The following LRAT variants were observed in gnomAD, a reference collection of about 807,000 sequenced individuals.
The protein encoded by LRAT is lecithin retinol acyltransferase (phosphatidylcholine--retinol O-acyltransferase).
LRAT carries 11 observed loss-of-function variants against 14.2 expected under a neutral mutation model. That is an observed-to-expected ratio of 0.78 (90% CI 0.49 to 1.29). LRAT has a LOEUF of 1.29. Among genes scored for constraint, LRAT ranks in the 50% most tolerant of loss-of-function variants. LRAT has a pLI of 0.00. For missense variants in LRAT, 274 were observed against 292.4 expected, an observed-to-expected ratio of 0.94 and a Z score of 0.46; for synonymous variants, 144 against 124.8, an observed-to-expected ratio of 1.15 and a Z score of -1.03.
At chr4:154,746,161 T>TA (rs1732881890) in intron 2 of LRAT, among the ~76,000 whole-genome samples, 1 of 152,224 alleles carries the variant, frequency 6.6e-6, no homozygotes, top group Admixed American at 6.5e-5. Context: ...TTGCACTTGT[T>TA]AAAGAAGTCA....
At chr4:154,743,125 A>ACCCCCCCCCC (rs59844353), upstream of LRAT, among the ~76,000 whole-genome samples, 11 of 17,828 alleles carry the variant, frequency 6.2e-4, no homozygotes, top group Admixed American at 2.1e-3. Context: ...GACCCCCCCA[A>ACCCCCCCCCC]CCCCCCCCCC....
chr4:154,745,634 TTTATATTTAATCCA>T (rs1382506354), intron 2 of LRAT: 2 of 145,136 alleles, frequency 1.4e-5, no homozygotes, highest in African/African-American at 5.8e-5. Flanking sequence ...AGGTCCAGAG[TTTATATTTAATCCA>T]TAACACTATA....
chr4:154,743,677 C>T (rs1350592257), upstream of LRAT, among the ~76,000 whole-genome samples: 1 of 152,162 alleles, frequency 6.6e-6, no homozygotes, highest in Non-Finnish European at 1.5e-5. Context: ...CCGAAGACTA[C>T]CGCGAAGTGC....
At position 154,749,509 on chromosome 4, in the gene LRAT, C is replaced by A; in HGVS notation, c.*373C>A. The A allele has an allele frequency of 1.2e-5, 2 of 164,542 alleles. No individual in the cohort carries two copies. The highest frequency in any genetic ancestry group is 1.8e-4 in the South Asian group (1 of 5,628). The allele number at this position is 164,542 out of a possible 1,614,324, so 10.2% of individuals were successfully genotyped here. On this transcript the variant is annotated 3_prime_UTR_variant, in exon 3 of 3. Transcript: ENST00000336356. Reference sequence around the variant, plus strand: ...AAGATTGGAAGACTTATATTGAGACCAGTAACTTTACTGTAAATTTACTTT... The same window carrying A: ...AAGATTGGAAGACTTATATTGAGACAAGTAACTTTACTGTAAATTTACTTT...
Position 154,749,237 on chromosome 4 carries a change from A to T in LRAT, c.*101A>T. On this transcript the variant is annotated 3_prime_UTR_variant, in exon 3 of 3. Coordinates refer to ENST00000336356, the MANE Select transcript of LRAT (RefSeq NM_004744.5). Reference sequence around the variant, plus strand: ...CATTATTGAGAAAAATGTGACCCGTAACACTGTGTTCTGGATAAAAATGTG... The same window carrying T: ...CATTATTGAGAAAAATGTGACCCGTTACACTGTGTTCTGGATAAAAATGTG... 1 of 1,279,626 alleles carries T rather than the reference A, an allele frequency of 7.8e-7. No homozygotes were observed. Among genetic ancestry groups the T allele is most frequent in the Non-Finnish European group, 1.1e-6 (1 of 881,610 alleles). 79.3% of individuals were successfully genotyped at this position (1,279,626 alleles called of 1,614,324 possible).
At chr4:154,745,991 TTA>T (rs1732878652) in intron 2 of LRAT, among the ~76,000 whole-genome samples, 1 of 152,204 alleles carries the variant, frequency 6.6e-6, no homozygotes, top group African/African-American at 2.4e-5. Flanking sequence ...AAGGTAATTT[TTA>T]TGAGTATTTT....
chr4:154,748,437 T>C, intron 2 of LRAT: 1 of 974,092 alleles, frequency 1.0e-6, no homozygotes, highest in Non-Finnish European at 1.2e-6. Context: ...ATGTGTCACA[T>C]AATTGATCCT....
chr4:154,743,124 A>ACCCC (rs1732798949), upstream of LRAT, among the ~76,000 whole-genome samples: 2 of 8,828 alleles, frequency 2.3e-4, no homozygotes, highest in Non-Finnish European at 4.3e-4. Context: ...CGACCCCCCC[A>ACCCC]ACCCCCCCCC....
chr4:154,744,590 G>T lies in LRAT; in HGVS notation c.264G>T (p.Thr88=). The part of the protein sequence containing the change: ...LLALTDDMGR[T]QKVVSNKRLI... ...CCCTGACAGACGACATGGGGCGCAC[G>T]CAGAAGGTGGTCTCCAACAAGCGTC... The change falls in exon 2 of 3, where the codon ACG becomes ACT. Residue 88 remains threonine, a synonymous_variant. Coordinates refer to ENST00000336356, the MANE Select transcript of LRAT (RefSeq NM_004744.5). 1.2e-6 allele frequency: 2 copies of T among 1,614,156 alleles called. No homozygotes were observed. The highest frequency in any genetic ancestry group is 1.7e-6 in the Non-Finnish European group (2 of 1,180,038).
chr4:154,744,244 C>G (rs1445146384), intron 1 of LRAT, 22 bp downstream of exon 1: 24 of 1,448,462 alleles, frequency 1.7e-5, no homozygotes, highest in Non-Finnish European at 2.2e-5. Context: ...CGCAGCACCC[C>G]TGCCCGGCGA....
upstream of LRAT, chr4:154,743,878 T>C (rs975150398): frequency 9.4e-6 from 1 of 105,900 alleles, no homozygotes; most frequent in Admixed American, 1.3e-4. Context: ...GGATCCCGCG[T>C]CCTCCCCGCC....
upstream of LRAT, among the ~76,000 whole-genome samples, chr4:154,742,646 A>C (rs76899213): frequency 7.0e-3 from 1,065 of 152,240 alleles, 18 homozygotes; most frequent in African/African-American, 0.025. Context: ...GCATTTACAT[A>C]ATGCATTAGC....
At chr4:154,743,125 A>ACCCCCCCCCCCC (rs59844353), upstream of LRAT, among the ~76,000 whole-genome samples, 1 of 17,840 alleles carries the variant, frequency 5.6e-5, no homozygotes, top group African/African-American at 2.2e-4. Context: ...GACCCCCCCA[A>ACCCCCCCCCCCC]CCCCCCCCCC....
rs1425899649 is a variant in LRAT, at chr4:154,751,421, ATCT to A, written c.*2288_*2290del. 2 of 150,534 alleles carry A rather than the reference ATCT, an allele frequency of 1.3e-5. No homozygotes were observed. The highest frequency in any genetic ancestry group is 1.4e-4 in the Admixed American group (2 of 14,792). The allele number at this position is 150,534 out of a possible 1,614,324, so 9.3% of individuals were successfully genotyped here. ...CTTAACCAAGTAGAAAGAAAAGCAC[ATCT>A]TCCTGATCACAGTTATAAAAGAAAC... On this transcript the variant is annotated 3_prime_UTR_variant, in exon 3 of 3. Transcript: ENST00000336356.
upstream of LRAT, among the ~76,000 whole-genome samples, chr4:154,742,858 CATAAAA>C (rs532020437): frequency 5.1e-3 from 777 of 152,108 alleles, 4 homozygotes; most frequent in Non-Finnish European, 7.6e-3. Context: ...TGCTTAAAAA[CATAAAA>C]ATAAAAATAA....
In LRAT at chr4:154,753,033, T is replaced by C. The variant is rs903773131; in HGVS notation, c.*3897T>C. 2 of 152,226 alleles carry C rather than the reference T, an allele frequency of 1.3e-5. No homozygotes were observed. Among genetic ancestry groups the C allele is most frequent in the Non-Finnish European group, 2.9e-5 (2 of 68,030 alleles). 9.4% of individuals were successfully genotyped at this position (152,226 alleles called of 1,614,324 possible). ...CAATCTTTGTTTTGTATGATCTATT[T>C]AGAGTTTTAACCAACCTAGATCTGT... On this transcript the variant is annotated 3_prime_UTR_variant, in exon 3 of 3. Transcript: ENST00000336356.
chr4:154,745,214 G>T (rs1054284173), intron 2 of LRAT, among the ~76,000 whole-genome samples: 9 of 151,620 alleles, frequency 5.9e-5, no homozygotes, highest in Non-Finnish European at 1.2e-4. Flanking sequence ...GTAGAGATGG[G>T]GTTTCACCGT....
At chr4:154,747,488 C>A (rs1017616178) in intron 2 of LRAT, among the ~76,000 whole-genome samples, 2 of 152,032 alleles carry the variant, frequency 1.3e-5, no homozygotes, top group African/African-American at 4.8e-5. Context: ...GACTTATTGA[C>A]CCCTTCTAGA....
chr4:154,746,728 C>CT (rs1308143504), intron 2 of LRAT, among the ~76,000 whole-genome samples: 1 of 152,132 alleles, frequency 6.6e-6, no homozygotes, highest in Non-Finnish European at 1.5e-5. Context: ...GTAACTAGTG[C>CT]TTTTGTAAGG....
Sources: allele counts gnomAD v4.1 joint callset (sites outside exome capture counted in the v4.1 genomes callset), GRCh38; gene constraint gnomAD v4.1.1; transcripts MANE v1.5; gene names NCBI Gene and HGNC (gene_info 2026-07-23, HGNC 2026-07-21).